Variants in KSR2 observed in about 807,000 individuals in gnomAD.
KSR2 encodes the protein kinase suppressor of ras 2.
A neutral mutation model predicts 107.8 loss-of-function variants in KSR2; 25 were observed. The observed-to-expected ratio is 0.23, with a 90% CI of 0.17 to 0.32. KSR2 has a LOEUF of 0.32. Ranked by LOEUF, KSR2 falls within the 10% of genes least tolerant of loss-of-function variation. KSR2 has a pLI of 1.00. For missense variants in KSR2, 887 were observed against 1,268.9 expected (o/e 0.70, Z 4.57); for synonymous variants, 480 against 507.0 (o/e 0.95, Z 0.71).
rs1870753442 is a variant in KSR2, at chr12:117,458,809, T to G, written c.*8390A>C. The G allele has an allele frequency of 6.6e-6, 1 of 152,162 alleles. No individual in the cohort carries two copies. The highest frequency in any genetic ancestry group is 1.5e-5 in the Non-Finnish European group (1 of 68,040). 9.4% of individuals were successfully genotyped at this position (152,162 alleles called of 1,614,324 possible). On this transcript the variant is annotated 3_prime_UTR_variant, in exon 20 of 20. Transcript: ENST00000339824. ...ATCTTATCTGGGTGGAAACTTGATT[T>G]TGAGCCTTCCATTCAGGGAAGAAAC...
chr12:117,912,685 T>C lies in KSR2; in HGVS notation c.181-52254A>G, dbSNP rs914843408. Among the ~76,000 whole-genome samples the C allele has an allele frequency of 9.2e-5, 14 of 152,242 alleles. No individual in the cohort carries two copies. In the East Asian group the frequency reaches 2.5e-3, roughly 27 times the overall value. ...GGTGGGATTACGGGACTCTGTTTTG[T>C]ACTTTGTAACACTTTTACATCCTGT... On this transcript the variant is annotated intron_variant, in intron 1 of 19. Transcript: ENST00000339824.
intron 3 of KSR2, among the ~76,000 whole-genome samples, chr12:117,847,427 G>A (rs139988307): frequency 6.6e-6 from 1 of 152,302 alleles, no homozygotes; most frequent in African/African-American, 2.4e-5. Flanking sequence ...AGAAGCCAGA[G>A]GAGGGCCCAG....
At chr12:117,854,268 A>C (rs1192605639) in intron 3 of KSR2, among the ~76,000 whole-genome samples, 1 of 152,110 alleles carries the variant, frequency 6.6e-6, no homozygotes, top group Non-Finnish European at 1.5e-5. Context: ...TGGCCTCCCA[A>C]AGTGCTGGGA....
At chr12:117,838,272 A>T (rs1313376427) in intron 3 of KSR2, among the ~76,000 whole-genome samples, 2 of 152,206 alleles carry the variant, frequency 1.3e-5, no homozygotes, top group African/African-American at 4.8e-5. Context: ...GATTCACGCA[A>T]TTCTCCTGCC....
intron 1 of KSR2, among the ~76,000 whole-genome samples, chr12:117,928,373 G>A (rs552311933): frequency 2.2e-4 from 34 of 152,102 alleles, no homozygotes; most frequent in African/African-American, 7.9e-4. Flanking sequence ...TAGTAGAGAT[G>A]AGGTTTCACC....
intron 14 of KSR2, among the ~76,000 whole-genome samples, chr12:117,505,581 G>T (rs1873631030): frequency 1.3e-5 from 2 of 152,162 alleles, no homozygotes; most frequent in Admixed American, 6.5e-5. Context: ...ATAGCGTAAA[G>T]TATGTATAAT....
intron 5 of KSR2, among the ~76,000 whole-genome samples, chr12:117,617,835 A>G (rs1881968879): frequency 6.6e-6 from 1 of 152,226 alleles, no homozygotes. Context: ...CTATACCTCA[A>G]TAGTGTTGCT....
chr12:117,615,987 T>C (rs1179114895), intron 5 of KSR2, among the ~76,000 whole-genome samples: 3 of 151,938 alleles, frequency 2.0e-5, no homozygotes, highest in Non-Finnish European at 4.4e-5. Context: ...ACCCCACCAC[T>C]ACAAAAAAAC....
intron 5 of KSR2, among the ~76,000 whole-genome samples, chr12:117,599,476 T>G (rs55777015): frequency 1.3e-5 from 2 of 152,072 alleles, no homozygotes; most frequent in Non-Finnish European, 2.9e-5. Flanking sequence ...GCACTCCTCT[T>G]GGGACTGAAC....
At chr12:117,707,526 T>TAC (rs1886575963) in intron 4 of KSR2, among the ~76,000 whole-genome samples, 1 of 152,212 alleles carries the variant, frequency 6.6e-6, no homozygotes, top group Non-Finnish European at 1.5e-5. Flanking sequence ...GACCCTGAGC[T>TAC]ACTGCCTTGG....
chr12:117,469,720 T>G lies in KSR2; in HGVS notation c.2788A>C (p.Lys930Gln). Residue 930 changes from lysine (K) to glutamine (Q), a missense_variant, in exon 19 of 20, where the codon AAA (lysine) becomes CAA (glutamine). By Grantham distance (53) the Lys-to-Gln change is moderately conservative. Around this residue, in one of 8 missense-constraint regions of KSR2, gnomAD observed 308 missense variants for 506.2 expected, o/e 0.61. Coordinates refer to ENST00000339824, the MANE Select transcript of KSR2 (RefSeq NM_173598.6). ...AGGCGACGGTTTCGCTTTGGCAGTT[T>G]CTCCAGCATGTCCATGAGCTTGGTG... The part of the protein sequence containing the change: ...TFTKLMDMLE[K>Q]LPKRNRRLSH... 2 of 1,613,766 alleles carry G rather than the reference T, an allele frequency of 1.2e-6. No homozygotes were observed. The highest frequency in any genetic ancestry group is 1.7e-6 in the Non-Finnish European group (2 of 1,179,822).
At chr12:117,481,004 GT>G (rs1592913950) in intron 16 of KSR2, among the ~76,000 whole-genome samples, 1 of 152,136 alleles carries the variant, frequency 6.6e-6, no homozygotes, top group Non-Finnish European at 1.5e-5. Context: ...TGAAGCTGCA[GT>G]GAGCCGTGAT....
At chr12:117,618,006 T>C (rs948699978) in intron 5 of KSR2, among the ~76,000 whole-genome samples, 3 of 152,230 alleles carry the variant, frequency 2.0e-5, no homozygotes, top group Admixed American at 1.3e-4. Flanking sequence ...GTCTGATTTT[T>C]GCTCCTGGTT....
chr12:117,654,042 A>G (rs184599667), intron 5 of KSR2, among the ~76,000 whole-genome samples: 1 of 152,308 alleles, frequency 6.6e-6, no homozygotes, highest in Non-Finnish European at 1.5e-5. Context: ...AGGCCCTGCC[A>G]TCTTCTGCAG....
intron 3 of KSR2, among the ~76,000 whole-genome samples, chr12:117,839,974 G>GACAACAGAAGGGCAGAAAGACA (rs1892395583): frequency 6.6e-6 from 1 of 152,096 alleles, no homozygotes; most frequent in Non-Finnish European, 1.5e-5. Flanking sequence ...TGCCCAGAAA[G>GACAACAGAAGGGCAGAAAGACA]ACAGAAAATG....
intron 5 of KSR2, among the ~76,000 whole-genome samples, chr12:117,642,852 T>G (rs1357070723): frequency 2.0e-5 from 3 of 151,702 alleles, no homozygotes; most frequent in Admixed American, 6.6e-5. Context: ...AAGGAGGAGG[T>G]GTCTCAGGGG....
At chr12:117,539,395 G>A in intron 10 of KSR2, 1 of 296,078 alleles carries the variant, frequency 3.4e-6, no homozygotes, top group Non-Finnish European at 6.1e-6. Context: ...TTAGACTTAG[G>A]CGAAGACCCT....
chr12:117,521,247 T>G (rs1874739790), intron 14 of KSR2, among the ~76,000 whole-genome samples: 1 of 152,162 alleles, frequency 6.6e-6, no homozygotes, highest in South Asian at 2.1e-4. Context: ...GAAGCACTGT[T>G]CCCAGCTGCT....
Position 117,772,070 on chromosome 12 carries a change from G to A in KSR2, c.473-10546C>T, listed in dbSNP as rs541683632. The stretch of plus-strand genomic sequence containing the variant: ...GCACAAACACACACACATACACGCC[G>A]TTCCCCCAAAGACACAAAAACACAC... On this transcript the variant is annotated intron_variant, in intron 3 of 19. Coordinates refer to ENST00000339824, the MANE Select transcript of KSR2 (RefSeq NM_173598.6). Among the ~76,000 whole-genome samples the A allele has an allele frequency of 1.6e-4, 16 of 102,384 alleles. No homozygotes were observed. In the South Asian group the frequency reaches 2.4e-3, roughly 15 times the overall value. The allele number at this position is 102,384 out of a possible 152,430, so 67.2% of individuals were successfully genotyped here. A position where few individuals can be genotyped will look rare whatever the true frequency, so the allele number is the denominator to read the frequency against.
Sources: gnomAD v4.1 joint callset for allele counts (sites outside exome capture counted in the v4.1 genomes callset) on GRCh38, gnomAD v4.1.1 for gene constraint, gnomAD v4.1.1 regional missense constraint, MANE v1.5 for transcripts, NCBI Gene and HGNC (gene_info 2026-07-23, HGNC 2026-07-21) for gene names.